Variants in UBR3 observed in about 807,000 individuals in gnomAD.
The protein encoded by UBR3 is E3 ubiquitin-protein ligase UBR3.
In UBR3, 85 loss-of-function variants were observed where a neutral mutation model predicts 243.2. That is an observed-to-expected ratio of 0.35 (90% CI 0.29 to 0.42). UBR3 has a LOEUF of 0.42. UBR3 is among the 10% of genes least tolerant of loss of function. The probability of loss-of-function intolerance (pLI) is 1.00; values close to 1 mark genes in which losing one functional copy is unlikely to be tolerated. For missense variants in UBR3, 1,686 were observed against 2,300.8 expected, an observed-to-expected ratio of 0.73 and a Z score of 5.47; for synonymous variants, 748 against 799.8, an observed-to-expected ratio of 0.94 and a Z score of 1.09.
Position 170,015,656 on chromosome 2 carries a change from C to T in UBR3, c.4453+290C>T, listed in dbSNP as rs74706598. Among the ~76,000 whole-genome samples, 1,421 of 151,832 alleles carry T rather than the reference C, an allele frequency of 9.4e-3. 27 individuals carry two copies. The highest frequency in any genetic ancestry group is 0.032 in the African/African-American group (1,345 of 41,486). On this transcript the variant is annotated intron_variant, in intron 30 of 38. Transcript: ENST00000272793. ...AAAAAATTGTTCTTAAACTTTAATT[C>T]TCTTAAAGAATTTTTACATTGAATT...
rs114145052 is a variant in UBR3, at chr2:169,951,969, G to A, written c.3545+1904G>A. On this transcript the variant is annotated intron_variant, in intron 23 of 38. Transcript: ENST00000272793. ...AGGGGTCCCAGGCTCATTAGTAAAA[G>A]TGATCTGTTCAGTTCTGGACGCTAC... 8.5e-3 allele frequency among the ~76,000 whole-genome samples: 1,292 copies of A among 152,254 alleles called. 23 individuals are homozygous for A. Among genetic ancestry groups the A allele is most frequent in the African/African-American group, 0.029 (1,206 of 41,538 alleles).
intron 36 of UBR3, among the ~76,000 whole-genome samples, chr2:170,076,751 AC>A (rs1356010092): frequency 6.6e-6 from 1 of 152,188 alleles, no homozygotes. Flanking sequence ...AGGATGTGAT[AC>A]CAAACTTTAT....
chr2:170,000,999 C>T (rs2089675484), intron 26 of UBR3, among the ~76,000 whole-genome samples: 1 of 152,152 alleles, frequency 6.6e-6, no homozygotes, highest in Non-Finnish European at 1.5e-5. Flanking sequence ...CAGTATAGTT[C>T]ATACTGAACT....
chr2:169,828,199 G>A (rs1043872969), intron 1 of UBR3, 147 bp downstream of exon 1: 2 of 1,085,334 alleles, frequency 1.8e-6, no homozygotes. Context: ...AGGTGACTGA[G>A]CTGTCAGCGG....
At chr2:170,046,308 TCCAAAAAAGATC>T (rs1220138462) in intron 32 of UBR3, among the ~76,000 whole-genome samples, 7 of 152,268 alleles carry the variant, frequency 4.6e-5, no homozygotes, top group Admixed American at 4.6e-4. Context: ...TGGCTTAGGA[TCCAAAAAAGATC>T]CATACATTGG....
At chr2:169,842,072 T>G (rs1297408556) in intron 1 of UBR3, among the ~76,000 whole-genome samples, 1 of 152,044 alleles carries the variant, frequency 6.6e-6, no homozygotes, top group African/African-American at 2.4e-5. Flanking sequence ...ACTCTGTGTT[T>G]AGCTCAAGGT....
At position 169,844,286 on chromosome 2, in the gene UBR3, A is replaced by T. The variant is rs373990024; in HGVS notation, c.545+16234A>T. On this transcript the variant is annotated intron_variant, in intron 1 of 38. Transcript: ENST00000272793. ...AGTGCTGGGATTACAGGCGTGAGCC[A>T]CTGCACCCGGCCTCATATTCGATTT... 2.0e-3 allele frequency among the ~76,000 whole-genome samples: 311 copies of T among 152,244 alleles called. 1 individual carries two copies. Among genetic ancestry groups the T allele is most frequent in the African/African-American group, 6.9e-3 (285 of 41,568 alleles).
At chr2:169,863,299 C>T (rs1181903346) in intron 1 of UBR3, among the ~76,000 whole-genome samples, 1 of 152,196 alleles carries the variant, frequency 6.6e-6, no homozygotes, top group Non-Finnish European at 1.5e-5. Context: ...TTGGCATTTA[C>T]ATGAGTATGT....
chr2:169,895,359 G>T (rs780504298), intron 7 of UBR3, 48 bp downstream of exon 7: 1 of 1,497,494 alleles, frequency 6.7e-7, no homozygotes, highest in South Asian at 1.3e-5. Context: ...TTCTTTCTTT[G>T]CCTTTCATTA....
chr2:170,068,432 C>T (rs1428744166), intron 35 of UBR3, among the ~76,000 whole-genome samples: 6 of 152,154 alleles, frequency 3.9e-5, no homozygotes, highest in Admixed American at 3.9e-4. Context: ...TGTGCCACTA[C>T]ACTCCAGTCT....
At chr2:169,933,142 G>C in intron 19 of UBR3, 134 bp downstream of exon 19, 1 of 599,234 alleles carries the variant, frequency 1.7e-6, no homozygotes, top group Non-Finnish European at 2.6e-6. Context: ...AATAATTTAA[G>C]GTTTAAAAAA....
chr2:169,920,587 C>T (rs1356797344), intron 11 of UBR3, among the ~76,000 whole-genome samples: 1 of 152,146 alleles, frequency 6.6e-6, no homozygotes, highest in African/African-American at 2.4e-5. Context: ...CTTTGCTTTG[C>T]CCTGAGTGTA....
At chr2:170,055,279 T>G (rs1382687059) in intron 32 of UBR3, among the ~76,000 whole-genome samples, 181 bp from the exon 33 acceptor site, 8 of 152,164 alleles carry the variant, frequency 5.3e-5, no homozygotes, top group Admixed American at 6.5e-5. Flanking sequence ...GCCACTGTAC[T>G]CCAGGCACCA....
chr2:169,927,086 A>T (rs375391577), intron 16 of UBR3, 115 bp downstream of exon 16: 16 of 1,289,022 alleles, frequency 1.2e-5, no homozygotes, highest in Non-Finnish European at 1.6e-5. Context: ...AAATGTAAAC[A>T]ATGTTTCAAA....
intron 11 of UBR3, among the ~76,000 whole-genome samples, chr2:169,919,027 G>A (rs1421296702): frequency 2.0e-5 from 3 of 152,170 alleles, no homozygotes. Context: ...TAGTAGAAGT[G>A]TCAACTGAGC....
intron 30 of UBR3, among the ~76,000 whole-genome samples, chr2:170,020,068 A>C (rs188000673): frequency 6.6e-6 from 1 of 152,318 alleles, no homozygotes; most frequent in East Asian, 1.9e-4. Flanking sequence ...GGCATGAACC[A>C]CTATGCCTGG....
intron 36 of UBR3, chr2:170,077,713 G>C: frequency 3.2e-6 from 1 of 313,790 alleles, no homozygotes; most frequent in Non-Finnish European, 5.8e-6. Context: ...AGCCTCCTGA[G>C]TAGCTGGGAT....
intron 25 of UBR3, among the ~76,000 whole-genome samples, chr2:169,988,761 T>C (rs1479688205): frequency 1.3e-5 from 2 of 152,038 alleles, no homozygotes; most frequent in Non-Finnish European, 2.9e-5. Context: ...GAGATTGCAC[T>C]CTAGCCTGCG....
At chr2:170,025,189 A>G (rs1349407222) in intron 30 of UBR3, among the ~76,000 whole-genome samples, 1 of 152,196 alleles carries the variant, frequency 6.6e-6, no homozygotes, top group Non-Finnish European at 1.5e-5. Flanking sequence ...CAAAAATGTA[A>G]AGACACAATT....
Sources: gnomAD v4.1 joint callset for allele counts (sites outside exome capture counted in the v4.1 genomes callset) on GRCh38, gnomAD v4.1.1 for gene constraint, MANE v1.5 for transcripts, NCBI Gene and HGNC (gene_info 2026-07-23, HGNC 2026-07-21) for gene names.